KAZN: variants seen among roughly 807,000 people sequenced by gnomAD.
KAZN encodes kazrin, periplakin interacting protein, also known as kazrin.
Under a neutral mutation model 87.4 loss-of-function variants are expected in KAZN, and 40 were observed. The ratio of observed to expected loss-of-function variants is 0.46; its 90% CI spans 0.36 to 0.60. The LOEUF (loss-of-function observed/expected upper bound fraction) is 0.60, where lower values mean the gene tolerates loss of function less well. Among genes scored for constraint, KAZN ranks in the 20% least tolerant of loss-of-function variants. The probability of loss-of-function intolerance (pLI) is 0.00; values close to 1 mark genes in which losing one functional copy is unlikely to be tolerated. For missense variants in KAZN, 898 were observed against 1,073.9 expected, an observed-to-expected ratio of 0.84 and a Z score of 2.29; for synonymous variants, 466 against 458.3, an observed-to-expected ratio of 1.02 and a Z score of -0.22.
intron 1 of KAZN, among the ~76,000 whole-genome samples, chr1:14,933,389 G>A (rs1244188964): frequency 2.0e-5 from 3 of 151,946 alleles, no homozygotes; most frequent in South Asian, 2.1e-4. Flanking sequence ...CACCATGCCC[G>A]GCCAGGTTCT....
At chr1:14,505,263 G>A (rs1054096338) in intron 2 of KAZN, among the ~76,000 whole-genome samples, 16 of 152,136 alleles carry the variant, frequency 1.1e-4, no homozygotes, top group Non-Finnish European at 1.8e-4. Flanking sequence ...CAAATCAACC[G>A]TGGCCAGGAG....
At chr1:13,985,158 AT>A (rs951365073) in intron 1 of KAZN, among the ~76,000 whole-genome samples, 33 of 150,196 alleles carry the variant, frequency 2.2e-4, no homozygotes, top group South Asian at 1.9e-3. Flanking sequence ...ATCTAGGGAA[AT>A]TTTTTTTTTC....
chr1:14,748,091 G>A (rs1288584605), intron 1 of KAZN, among the ~76,000 whole-genome samples: 1 of 152,220 alleles, frequency 6.6e-6, no homozygotes, highest in African/African-American at 2.4e-5. Context: ...CTCTGGCTTG[G>A]AAAACTGGCC....
At chr1:14,999,108 C>A (rs1401670412) in intron 2 of KAZN, among the ~76,000 whole-genome samples, 3 of 152,210 alleles carry the variant, frequency 2.0e-5, no homozygotes, top group Non-Finnish European at 4.4e-5. Context: ...ATCGCTTGAG[C>A]CCAGGAGTTC....
intron 1 of KAZN, among the ~76,000 whole-genome samples, chr1:14,152,121 A>G (rs534694295): frequency 1.4e-4 from 21 of 152,354 alleles, no homozygotes; most frequent in African/African-American, 5.0e-4. Context: ...CAATAACCAT[A>G]TATGGGTAAA....
chr1:14,663,090 C>T (rs1639300908), intron 1 of KAZN, among the ~76,000 whole-genome samples: 1 of 151,774 alleles, frequency 6.6e-6, no homozygotes, highest in Non-Finnish European at 1.5e-5. Context: ...CCTACCTCAG[C>T]CTCCTGAGCA....
intron 1 of KAZN, among the ~76,000 whole-genome samples, chr1:14,878,029 C>T (rs932597221): frequency 9.2e-5 from 14 of 152,102 alleles, no homozygotes; most frequent in Non-Finnish European, 4.4e-5. Flanking sequence ...GACGAGAAGG[C>T]TTGCATTTAA....
At chr1:14,518,165 GTC>G (rs1026679134) in intron 2 of KAZN, among the ~76,000 whole-genome samples, 11 of 139,016 alleles carry the variant, frequency 7.9e-5, no homozygotes, top group African/African-American at 2.9e-4. Context: ...GGTAACTGGA[GTC>G]TTTTTGAAGG....
rs76814899 is a variant in KAZN, at chr1:14,559,181, G to T, written c.250-39802G>T. On this transcript the variant is annotated intron_variant, in intron 2 of 16. Transcript: ENST00000636203. ...ATTCCAATCAACTGAGCTGAGCCTT[G>T]GGGGAGGGTAGCAGGATACTGCATG... Among the ~76,000 whole-genome samples the T allele has an allele frequency of 8.3e-4, 127 of 152,300 alleles. 2 individuals are homozygous for T. The East Asian group carries it at 0.024, about 28-fold the overall frequency.
chr1:14,507,044 C>T (rs1441187785), intron 2 of KAZN, among the ~76,000 whole-genome samples: 5 of 152,174 alleles, frequency 3.3e-5, no homozygotes, highest in African/African-American at 9.7e-5. Context: ...CATAGATTTT[C>T]GTTTGCCTTC....
At chr1:14,815,319 T>C (rs1235330416) in intron 1 of KAZN, among the ~76,000 whole-genome samples, 3 of 152,164 alleles carry the variant, frequency 2.0e-5, no homozygotes, top group Non-Finnish European at 2.9e-5. Flanking sequence ...GAGGCATTCA[T>C]CCGGTGTCGT....
At chr1:14,061,651 A>G (rs895262168) in intron 1 of KAZN, among the ~76,000 whole-genome samples, 7 of 152,184 alleles carry the variant, frequency 4.6e-5, no homozygotes, top group African/African-American at 1.7e-4. Flanking sequence ...CCCAACGGCA[A>G]AAGAAAATTC....
intron 2 of KAZN, among the ~76,000 whole-genome samples, chr1:14,249,578 C>T (rs1649822311): frequency 6.6e-6 from 1 of 152,228 alleles, no homozygotes; most frequent in Non-Finnish European, 1.5e-5. Context: ...CAGGCAGGCA[C>T]TCCCCAAGGG....
intron 2 of KAZN, among the ~76,000 whole-genome samples, chr1:14,285,597 A>C (rs1308147780): frequency 1.3e-5 from 2 of 152,142 alleles, no homozygotes. Flanking sequence ...CCTACTCGCC[A>C]CTTTATCCAT....
intron 1 of KAZN, among the ~76,000 whole-genome samples, chr1:14,102,734 G>A (rs998833425): frequency 5.9e-5 from 9 of 151,936 alleles, no homozygotes; most frequent in Non-Finnish European, 4.4e-5. Flanking sequence ...TGCCATAACC[G>A]CACACCATGG....
At chr1:14,798,784 A>G (rs1410153589) in intron 1 of KAZN, among the ~76,000 whole-genome samples, 1 of 150,854 alleles carries the variant, frequency 6.6e-6, no homozygotes, top group African/African-American at 2.4e-5. Context: ...TATTTGAGAC[A>G]GGGTCTGGCT....
In KAZN at chr1:14,468,372, C is replaced by T. The variant is rs187087451; in HGVS notation, c.250-130611C>T. ...TCTGCATCAGGCCCCTTTATATACCCGGTCTTACTCAAGCCATGAAACCCC... is the reference window on the plus strand; with the variant it reads ...TCTGCATCAGGCCCCTTTATATACCTGGTCTTACTCAAGCCATGAAACCCC... On this transcript the variant is annotated intron_variant, in intron 2 of 16. Transcript: ENST00000636203. 3.1e-4 allele frequency among the ~76,000 whole-genome samples: 47 copies of T among 152,234 alleles called. No homozygotes were observed. The East Asian group carries it at 3.5e-3, about 11-fold the overall frequency.
At chr1:13,937,306 A>C (rs1009924924) in intron 1 of KAZN, among the ~76,000 whole-genome samples, 1 of 152,200 alleles carries the variant, frequency 6.6e-6, no homozygotes, top group South Asian at 2.1e-4. Context: ...GGCCACCCAA[A>C]GTGCTGGGAT....
At chr1:14,019,843 C>T (rs1640740869) in intron 1 of KAZN, among the ~76,000 whole-genome samples, 2 of 152,064 alleles carry the variant, frequency 1.3e-5, no homozygotes, top group Admixed American at 6.6e-5. Flanking sequence ...ACTGGTTTCA[C>T]GGAAGACAAT....
Sources: gnomAD v4.1 joint callset for allele counts (sites outside exome capture counted in the v4.1 genomes callset) on GRCh38, gnomAD v4.1.1 for gene constraint, MANE v1.5 for transcripts, NCBI Gene and HGNC (gene_info 2026-07-23, HGNC 2026-07-21) for gene names.